The following TM9SF4 variants were observed in gnomAD, a reference collection of about 807,000 sequenced individuals.
TM9SF4 encodes the protein transmembrane 9 superfamily member 4.
TM9SF4 carries 26 observed loss-of-function variants against 90.4 expected under a neutral mutation model. The ratio of observed to expected loss-of-function variants is 0.29; its 90% confidence interval spans 0.21 to 0.40. The LOEUF (loss-of-function observed/expected upper bound fraction) is 0.40. Ranked by LOEUF, TM9SF4 falls within the 10% of genes least tolerant of loss-of-function variation. The pLI is 1.00. For missense variants in TM9SF4, 549 were observed against 834.8 expected (o/e 0.66, Z 4.22); for synonymous variants, 293 against 315.4 (o/e 0.93, Z 0.75).
At position 32,141,685 on chromosome 20, in the gene TM9SF4, T is replaced by G. The variant is rs6089193; in HGVS notation, c.398+20T>G. On this transcript the variant is annotated intron_variant, in intron 4 of 17. Coordinates refer to ENST00000398022, the MANE Select transcript of TM9SF4 (RefSeq NM_014742.4). The stretch of plus-strand genomic sequence containing the variant: ...CCACCTGTAAGTCGCCCTGTGCTCC[T>G]TGCTGCCTCAGGCTCACACAGGGGA... The G allele has an allele frequency of 6.2e-7, 1 of 1,613,180 alleles. No homozygotes were observed. Among genetic ancestry groups the G allele is most frequent in the East Asian group, 2.2e-5 (1 of 44,854 alleles).
intron 2 of TM9SF4, among the ~76,000 whole-genome samples, chr20:32,134,398 T>C (rs1569071305): frequency 6.6e-6 from 1 of 152,228 alleles, no homozygotes; most frequent in Non-Finnish European, 1.5e-5. Flanking sequence ...CCATTTTTCC[T>C]CAAGCAATTC....
At chr20:32,138,380 G>T (rs1229196838) in intron 3 of TM9SF4, among the ~76,000 whole-genome samples, 1 of 152,192 alleles carries the variant, frequency 6.6e-6, no homozygotes, top group Non-Finnish European at 1.5e-5. Context: ...TGTAATCCCA[G>T]CACTTTGGGA....
intron 1 of TM9SF4, among the ~76,000 whole-genome samples, chr20:32,111,363 C>T (rs894499117): frequency 1.3e-5 from 2 of 152,190 alleles, no homozygotes; most frequent in East Asian, 1.9e-4. Flanking sequence ...GTGGTATTTA[C>T]GGCACTGCAC....
chr20:32,155,342 T>C (rs2046903891), intron 13 of TM9SF4, among the ~76,000 whole-genome samples, 156 bp downstream of exon 13: 3 of 152,210 alleles, frequency 2.0e-5, no homozygotes, highest in African/African-American at 7.2e-5. Context: ...CAGCTGGGGT[T>C]TCCCCAGCCC....
At chr20:32,135,131 T>C (rs1038145000) in intron 2 of TM9SF4, among the ~76,000 whole-genome samples, 2 of 152,252 alleles carry the variant, frequency 1.3e-5, no homozygotes, top group Admixed American at 6.5e-5. Flanking sequence ...CGATGGGTTC[T>C]ATTTTGTCTG....
chr20:32,161,201 C>G, intron 16 of TM9SF4, 75 bp from the exon 17 acceptor site: 1 of 1,315,668 alleles, frequency 7.6e-7, no homozygotes, highest in Non-Finnish European at 1.1e-6. Flanking sequence ...TCTTCAGCCC[C>G]TCAAGCAACT....
intron 1 of TM9SF4, among the ~76,000 whole-genome samples, chr20:32,117,353 T>C (rs1267266975): frequency 6.6e-6 from 1 of 152,044 alleles, no homozygotes; most frequent in Non-Finnish European, 1.5e-5. Flanking sequence ...GCCGTTCAGA[T>C]TGGCCAGATG....
chr20:32,147,949 C>T (rs943599139), intron 9 of TM9SF4, among the ~76,000 whole-genome samples: 9 of 151,452 alleles, frequency 5.9e-5, no homozygotes, highest in African/African-American at 2.2e-4. Context: ...CCTGTCTCTA[C>T]TAAAATACAA....
At chr20:32,151,831 G>A (rs1374254738) in intron 12 of TM9SF4, among the ~76,000 whole-genome samples, 2 of 151,006 alleles carry the variant, frequency 1.3e-5, no homozygotes, top group East Asian at 3.9e-4. Context: ...ACAGGCATGT[G>A]CCACCATGCC....
intron 6 of TM9SF4, among the ~76,000 whole-genome samples, chr20:32,143,566 C>T (rs562440842): frequency 4.6e-5 from 7 of 152,236 alleles, no homozygotes; most frequent in South Asian, 4.1e-4. Flanking sequence ...AAAATTTGCC[C>T]AGGGTCAACA....
At chr20:32,159,733 A>T in intron 15 of TM9SF4, 1 of 487,042 alleles carries the variant, frequency 2.1e-6, no homozygotes, top group South Asian at 2.6e-5. Flanking sequence ...TGATTTGGAT[A>T]AGAATCATTA....
chr20:32,127,741 T>G (rs2046444579), intron 1 of TM9SF4, among the ~76,000 whole-genome samples: 1 of 152,254 alleles, frequency 6.6e-6, no homozygotes, highest in Non-Finnish European at 1.5e-5. Context: ...AACCTGAGCT[T>G]CGCAGAGAGC....
At chr20:32,125,387 A>C (rs1321357067) in intron 1 of TM9SF4, among the ~76,000 whole-genome samples, 2 of 152,202 alleles carry the variant, frequency 1.3e-5, no homozygotes, top group African/African-American at 2.4e-5. Context: ...CACAGCTAGG[A>C]AGTGGTAGGT....
At chr20:32,159,727 T>C (rs540316997) in intron 15 of TM9SF4, 129 of 475,844 alleles carry the variant, frequency 2.7e-4, no homozygotes, top group Non-Finnish European at 4.3e-4. Context: ...TAATTTTGAT[T>C]TGGATAAGAA....
chr20:32,121,417 C>T (rs1187754787), intron 1 of TM9SF4, among the ~76,000 whole-genome samples: 1 of 151,910 alleles, frequency 6.6e-6, no homozygotes, highest in East Asian at 1.9e-4. Flanking sequence ...AATGAGCATG[C>T]TGCCTTCAAG....
intron 1 of TM9SF4, among the ~76,000 whole-genome samples, chr20:32,131,904 T>C (rs2046520818): frequency 6.6e-6 from 1 of 152,168 alleles, no homozygotes; most frequent in South Asian, 2.1e-4. Flanking sequence ...GGTGCTGCTT[T>C]CCTAGAGATC....
At chr20:32,138,572 G>C (rs543652685) in intron 3 of TM9SF4, among the ~76,000 whole-genome samples, 1 of 152,236 alleles carries the variant, frequency 6.6e-6, no homozygotes, top group Non-Finnish European at 1.5e-5. Flanking sequence ...CAGGAGGATC[G>C]CTTCAACCCA....
At chr20:32,150,563 A>G in intron 10 of TM9SF4, 59 bp from the exon 11 acceptor site, 1 of 1,605,266 alleles carries the variant, frequency 6.2e-7, no homozygotes, top group Admixed American at 1.7e-5. Context: ...CTGGGGCTAG[A>G]GGCCTGGTGA....
chr20:32,123,627 A>G (rs1367043052), intron 1 of TM9SF4, among the ~76,000 whole-genome samples: 1 of 149,642 alleles, frequency 6.7e-6, no homozygotes, highest in Non-Finnish European at 1.5e-5. Flanking sequence ...TCTTTGGTGT[A>G]TTTTTTCATT....
Sources: allele counts gnomAD v4.1 joint callset (sites outside exome capture counted in the v4.1 genomes callset), GRCh38; gene constraint gnomAD v4.1.1; transcripts MANE v1.5; gene names NCBI Gene and HGNC (gene_info 2026-07-23, HGNC 2026-07-21).